The following RAP1GAP2 variants were observed in gnomAD, a reference collection of about 807,000 sequenced individuals.
The protein encoded by RAP1GAP2 is RAP1 GTPase activating protein 2.
In RAP1GAP2, 27 loss-of-function variants were observed where a neutral mutation model predicts 95.0. The observed-to-expected ratio is 0.28, with a 90% CI of 0.21 to 0.39. The LOEUF (loss-of-function observed/expected upper bound fraction) is 0.39. Ranked by LOEUF, RAP1GAP2 falls within the 10% of genes least tolerant of loss-of-function variation. RAP1GAP2 has a pLI of 1.00. For synonymous variants in RAP1GAP2, 373 were observed against 380.9 expected (o/e 0.98, Z 0.24); for missense variants, 771 against 970.0 (o/e 0.79, Z 2.72).
At chr17:2,962,494 C>T (rs1781302363) in intron 4 of RAP1GAP2, 176 bp from the exon 5 acceptor site, 1 of 626,228 alleles carries the variant, frequency 1.6e-6, no homozygotes, top group East Asian at 3.2e-5. Context: ...GCTGTTGCCT[C>T]ACCTGAGGCT....
chr17:2,801,635 G>T (rs2069301523), intron 2 of RAP1GAP2, among the ~76,000 whole-genome samples: 1 of 140,302 alleles, frequency 7.1e-6, no homozygotes. Context: ...GTGTGTGTGT[G>T]TGTGTGTGTG....
At chr17:2,979,438 A>G (rs111268360) in intron 8 of RAP1GAP2, among the ~76,000 whole-genome samples, 2,277 of 151,076 alleles carry the variant, frequency 0.015, 61 homozygotes, top group African/African-American at 0.052. Flanking sequence ...TCAGTGGCAG[A>G]CAGATATATC....
At chr17:2,762,982 C>T (rs891699299) in intron 1 of RAP1GAP2, among the ~76,000 whole-genome samples, 11 of 152,050 alleles carry the variant, frequency 7.2e-5, no homozygotes, top group Non-Finnish European at 1.2e-4. Context: ...AGCTTTCTTG[C>T]CGAAGTTTGA....
chr17:2,852,232 C>T (rs1006240397), intron 2 of RAP1GAP2, among the ~76,000 whole-genome samples: 1 of 152,084 alleles, frequency 6.6e-6, no homozygotes. Flanking sequence ...CCTGCCTAAC[C>T]GCCAATCTCA....
intron 2 of RAP1GAP2, among the ~76,000 whole-genome samples, chr17:2,885,020 ATTTC>A (rs2073435463): frequency 8.7e-6 from 1 of 115,150 alleles, no homozygotes; most frequent in East Asian, 2.6e-4. Context: ...CATTTCTTTT[ATTTC>A]TTTCTTTTTT....
intron 1 of RAP1GAP2, among the ~76,000 whole-genome samples, chr17:2,786,272 A>T (rs868557175): frequency 3.7e-4 from 56 of 152,348 alleles, no homozygotes; most frequent in African/African-American, 1.3e-3. Context: ...GCTACATTTA[A>T]TGTCAGGACT....
intron 10 of RAP1GAP2, among the ~76,000 whole-genome samples, chr17:2,982,913 G>A (rs2045419782): frequency 6.6e-6 from 1 of 152,242 alleles, no homozygotes; most frequent in Non-Finnish European, 1.5e-5. Flanking sequence ...ATGCACGCAT[G>A]TGTGTGTTTT....
rs901750126 is a variant in RAP1GAP2, at chr17:2,963,075, C to T, written c.247-355C>T. 1.7e-4 allele frequency: 89 copies of T among 522,082 alleles called. No homozygotes were observed. Among genetic ancestry groups the T allele is most frequent in the Middle Eastern group, 1.5e-3 (3 of 1,994 alleles). 32.3% of individuals were successfully genotyped at this position (522,082 alleles called of 1,614,324 possible). On this transcript the variant is annotated intron_variant, in intron 5 of 24. Coordinates refer to ENST00000254695, the MANE Select transcript of RAP1GAP2 (RefSeq NM_015085.5). The surrounding 1 kb of genome is among the most constrained non-coding windows in gnomAD (Gnocchi z 4.8). ...TCTCAGCTTCCCAACCCAGGGGTGCCGCTTATCACTTGGAGGTCAGTCCGC... is the reference window on the plus strand; with the variant it reads ...TCTCAGCTTCCCAACCCAGGGGTGCTGCTTATCACTTGGAGGTCAGTCCGC...
chr17:2,893,097 G>C (rs1423969924), intron 2 of RAP1GAP2, among the ~76,000 whole-genome samples: 1 of 151,348 alleles, frequency 6.6e-6, no homozygotes, highest in Non-Finnish European at 1.5e-5. Flanking sequence ...GCGTGATCTT[G>C]GCTCACTGCA....
At chr17:2,776,881 G>C (rs1199190591), upstream of RAP1GAP2, among the ~76,000 whole-genome samples, 1 of 152,020 alleles carries the variant, frequency 6.6e-6, no homozygotes, top group Non-Finnish European at 1.5e-5. Flanking sequence ...GGGAGGGGGC[G>C]ACCGCGGGGA....
At chr17:2,891,965 A>C (rs2073739903) in intron 2 of RAP1GAP2, among the ~76,000 whole-genome samples, 1 of 151,514 alleles carries the variant, frequency 6.6e-6, no homozygotes, top group Non-Finnish European at 1.5e-5. Flanking sequence ...CTGGGACTAC[A>C]GTCATGTGCC....
chr17:2,755,802 G>C, intron 1 of RAP1GAP2: 2 of 352,494 alleles, frequency 5.7e-6, no homozygotes, highest in Non-Finnish European at 1.0e-5. Context: ...GGCCTAATGC[G>C]GGAGCGAACC....
Position 2,963,986 on chromosome 17 carries a change from A to G in RAP1GAP2, c.410A>G (p.Asp137Gly). ...GSSICEEEEE[D>G]NLSPNTFGYK... ...AGCATCTGTGAGGAGGAGGAAGAGG[A>G]CAACCTCAGCCCCAACACATTTGGC... is the stretch of plus-strand genomic sequence containing the variant. The change falls in exon 7 of 25, where the codon GAC (aspartate) becomes GGC (glycine). Residue 137 changes from aspartate (D) to glycine (G), a missense_variant. Asp to Gly is a moderately conservative substitution (Grantham distance 94, BLOSUM62 -1). Coordinates refer to ENST00000254695, the MANE Select transcript of RAP1GAP2 (RefSeq NM_015085.5). This position sits in a 1 kb window ranked among gnomAD's most constrained non-coding sequence, Gnocchi z 4.8. 6.2e-7 allele frequency: 1 copy of G among 1,612,876 alleles called. No individual in the cohort carries two copies. The highest frequency in any genetic ancestry group is 8.5e-7 in the Non-Finnish European group (1 of 1,179,692).
intron 17 of RAP1GAP2, among the ~76,000 whole-genome samples, chr17:3,012,383 C>T (rs911955377): frequency 7.2e-5 from 11 of 151,828 alleles, no homozygotes; most frequent in African/African-American, 1.9e-4. Flanking sequence ...TTTGGGAGGC[C>T]GAGGCAGGTG....
intron 2 of RAP1GAP2, among the ~76,000 whole-genome samples, chr17:2,803,192 G>A (rs2151483955): frequency 6.6e-6 from 1 of 152,304 alleles, no homozygotes; most frequent in South Asian, 2.1e-4. Flanking sequence ...GGGGGCGTGG[G>A]CCAGGGTTGA....
intron 3 of RAP1GAP2, among the ~76,000 whole-genome samples, chr17:2,912,519 TGGGCTGGGGCAGGAA>T (rs1262339712): frequency 2.0e-5 from 3 of 152,098 alleles, no homozygotes; most frequent in African/African-American, 7.2e-5. Context: ...GGAGCCTTTC[TGGGCTGGGGCAGGAA>T]GGGCTGAAGG....
chr17:2,785,136 G>T (rs907256269), intron 1 of RAP1GAP2, among the ~76,000 whole-genome samples: 1 of 152,208 alleles, frequency 6.6e-6, no homozygotes, highest in African/African-American at 2.4e-5. Flanking sequence ...TGAGCAGAGC[G>T]TTGGCAGGGG....
At chr17:2,810,836 G>A (rs1216781607) in intron 2 of RAP1GAP2, among the ~76,000 whole-genome samples, 1 of 151,760 alleles carries the variant, frequency 6.6e-6, no homozygotes, top group Non-Finnish European at 1.5e-5. Context: ...GCCAACAAAA[G>A]TCAAATTAGT....
At chr17:2,834,688 T>C (rs1487267646) in intron 2 of RAP1GAP2, among the ~76,000 whole-genome samples, 1 of 151,974 alleles carries the variant, frequency 6.6e-6, no homozygotes, top group Non-Finnish European at 1.5e-5. Flanking sequence ...TCTCAGCTAC[T>C]CAGGAGGCTG....
Sources: gnomAD v4.1 joint callset for allele counts (sites outside exome capture counted in the v4.1 genomes callset) on GRCh38, gnomAD v4.1.1 for gene constraint, Gnocchi (gnomAD v3.1) non-coding constraint, MANE v1.5 for transcripts, NCBI Gene and HGNC (gene_info 2026-07-23, HGNC 2026-07-21) for gene names.